Variants in ADGRG7 observed in about 807,000 individuals in gnomAD.
The protein encoded by ADGRG7 is G-protein coupled receptor 128.
Under a neutral mutation model 88.6 loss-of-function variants are expected in ADGRG7, and 82 were observed. The observed-to-expected ratio is 0.93, with a 90% CI of 0.77 to 1.11. The LOEUF is 1.11. Ranked by LOEUF, ADGRG7 falls within the 50% of genes most tolerant of loss-of-function variation. The pLI is 0.00. For missense variants in ADGRG7, 945 were observed against 953.4 expected, an observed-to-expected ratio of 0.99 and a Z score of 0.12; for synonymous variants, 381 against 345.2, an observed-to-expected ratio of 1.10 and a Z score of -1.15.
chr3:100,691,491 C>T (rs568004744), intron 15 of ADGRG7, among the ~76,000 whole-genome samples: 10 of 152,046 alleles, frequency 6.6e-5, no homozygotes, highest in Admixed American at 1.3e-4. Context: ...TGTTCCTATT[C>T]GGCCATCTTG....
At chr3:100,690,427 G>A (rs2094991277) in intron 15 of ADGRG7, among the ~76,000 whole-genome samples, 1 of 152,150 alleles carries the variant, frequency 6.6e-6, no homozygotes, top group South Asian at 2.1e-4. Context: ...GCATTCCTTT[G>A]GAGGAGGAGA....
intron 1 of ADGRG7, among the ~76,000 whole-genome samples, chr3:100,629,147 A>G (rs1398389980): frequency 6.6e-6 from 1 of 152,038 alleles, no homozygotes; most frequent in Non-Finnish European, 1.5e-5. Flanking sequence ...TGGTTTTTCA[A>G]GATGTAATTT....
chr3:100,687,930 T>A (rs907508843), intron 15 of ADGRG7, among the ~76,000 whole-genome samples: 2 of 152,182 alleles, frequency 1.3e-5, no homozygotes, highest in Admixed American at 1.3e-4. Context: ...TTCTATTGAT[T>A]GGAATAGTTT....
At chr3:100,650,889 A>G (rs1350765406) in intron 11 of ADGRG7, among the ~76,000 whole-genome samples, 1 of 152,072 alleles carries the variant, frequency 6.6e-6, no homozygotes, top group East Asian at 1.9e-4. Context: ...CTCTTTCTAT[A>G]TTTGTTTGCT....
intron 1 of ADGRG7, among the ~76,000 whole-genome samples, chr3:100,615,054 G>A (rs1707205076): frequency 6.6e-6 from 1 of 152,198 alleles, no homozygotes; most frequent in Admixed American, 6.5e-5. Flanking sequence ...AAAGGAAGCT[G>A]ATGCTGCCTG....
chr3:100,618,538 A>C (rs1002536817), intron 1 of ADGRG7, among the ~76,000 whole-genome samples: 1 of 152,082 alleles, frequency 6.6e-6, no homozygotes, highest in Non-Finnish European at 1.5e-5. Context: ...GATATGAGGC[A>C]TCATTTCTGA....
chr3:100,652,659 T>G (rs2094931471), intron 11 of ADGRG7, among the ~76,000 whole-genome samples: 1 of 152,154 alleles, frequency 6.6e-6, no homozygotes. Context: ...TCAACTTTAT[T>G]AAGAGAAATC....
At chr3:100,620,476 G>T (rs189593193) in intron 1 of ADGRG7, among the ~76,000 whole-genome samples, 2 of 152,328 alleles carry the variant, frequency 1.3e-5, no homozygotes, top group East Asian at 3.9e-4. Context: ...AAAACTGGAA[G>T]CATTCCCTTT....
At chr3:100,648,048 G>C (rs1246454554) in intron 10 of ADGRG7, among the ~76,000 whole-genome samples, 1 of 152,088 alleles carries the variant, frequency 6.6e-6, no homozygotes, top group African/African-American at 2.4e-5. Flanking sequence ...AGAGAGATCT[G>C]CCTTCTCAAT....
At chr3:100,681,611 T>C (rs1409022832) in intron 15 of ADGRG7, among the ~76,000 whole-genome samples, 1 of 152,130 alleles carries the variant, frequency 6.6e-6, no homozygotes, top group Non-Finnish European at 1.5e-5. Flanking sequence ...ACACCAGACA[T>C]TGAAAGACAT....
At chr3:100,667,350 C>T (rs777530920) in intron 14 of ADGRG7, among the ~76,000 whole-genome samples, 1 of 152,118 alleles carries the variant, frequency 6.6e-6, no homozygotes, top group Non-Finnish European at 1.5e-5. Context: ...CTGACAGGCC[C>T]CAGTGTGTGA....
rs369676561 is a variant in ADGRG7, at chr3:100,680,417, T to C, written c.2136+11312T>C. Reference sequence around the variant, plus strand: ...TACGTTTTTATCCATTCTGGCAATCTCTTTTAATTGAGTGTTTAGTCCATT... The same window carrying C: ...TACGTTTTTATCCATTCTGGCAATCCCTTTTAATTGAGTGTTTAGTCCATT... On this transcript the variant is annotated intron_variant, in intron 15 of 15. Transcript: ENST00000273352. Among the ~76,000 whole-genome samples, 18 of 152,314 alleles carry C rather than the reference T, an allele frequency of 1.2e-4. No homozygotes were observed. The East Asian group carries it at 3.5e-3, about 29-fold the overall frequency.
intron 1 of ADGRG7, among the ~76,000 whole-genome samples, chr3:100,627,806 C>T (rs1271439903): frequency 6.6e-6 from 1 of 152,044 alleles, no homozygotes; most frequent in South Asian, 2.1e-4. Flanking sequence ...CCTCTTGGAT[C>T]TATAAGCTGA....
At chr3:100,681,085 G>T (rs1429633142) in intron 15 of ADGRG7, among the ~76,000 whole-genome samples, 7 of 151,916 alleles carry the variant, frequency 4.6e-5, no homozygotes, top group Non-Finnish European at 8.8e-5. Context: ...TTTTCCTTTG[G>T]AAATAATTCT....
At position 100,633,710 on chromosome 3, in the gene ADGRG7, T is replaced by G. The variant is rs188746898; in HGVS notation, c.447+333T>G. On this transcript the variant is annotated intron_variant, in intron 4 of 15. Coordinates refer to ENST00000273352, the MANE Select transcript of ADGRG7 (RefSeq NM_032787.3). The stretch of plus-strand genomic sequence containing the variant: ...CTAATTTTTGTATTTTTAATAGAGA[T>G]GGGGTTTCACCATGTTGGCTAGGCT... 2.8e-3 allele frequency among the ~76,000 whole-genome samples: 427 copies of G among 152,124 alleles called. 2 individuals are homozygous for G. Among genetic ancestry groups the G allele is most frequent in the African/African-American group, 1.0e-2 (413 of 41,500 alleles).
intron 9 of ADGRG7, 120 bp downstream of exon 9, chr3:100,646,228 G>GGGA: frequency 5.0e-6 from 1 of 199,622 alleles, no homozygotes. Context: ...GGGGGGGAGG[G>GGGA]TTTTCCATGA....
At chr3:100,648,898 T>C (rs1707802014) in intron 10 of ADGRG7, among the ~76,000 whole-genome samples, 1 of 152,172 alleles carries the variant, frequency 6.6e-6, no homozygotes, top group Non-Finnish European at 1.5e-5. Context: ...TACATACTCA[T>C]ATGGTACATA....
chr3:100,671,914 T>C (rs2094959131), intron 15 of ADGRG7, among the ~76,000 whole-genome samples: 1 of 152,200 alleles, frequency 6.6e-6, no homozygotes, highest in Admixed American at 6.5e-5. Context: ...CATTGGTCTA[T>C]ATATCTGTTT....
At chr3:100,622,691 A>G (rs1707331261) in intron 1 of ADGRG7, among the ~76,000 whole-genome samples, 2 of 152,116 alleles carry the variant, frequency 1.3e-5, no homozygotes, top group Non-Finnish European at 2.9e-5. Context: ...ACACTTTTGG[A>G]TACAATTCCT....
Sources: allele counts gnomAD v4.1 joint callset (sites outside exome capture counted in the v4.1 genomes callset), GRCh38; gene constraint gnomAD v4.1.1; transcripts MANE v1.5; gene names NCBI Gene and HGNC (gene_info 2026-07-23, HGNC 2026-07-21).